The following UPF3A variants were observed in gnomAD, a reference collection of about 807,000 sequenced individuals.
The protein encoded by UPF3A is regulator of nonsense transcripts 3A.
UPF3A carries 42 observed loss-of-function variants against 53.5 expected under a neutral mutation model. The observed-to-expected ratio is 0.78, with a 90% CI of 0.61 to 1.01. The LOEUF is 1.01. Ranked by LOEUF, UPF3A falls within the 50% of genes least tolerant of loss-of-function variation. The pLI is 0.00. For missense variants in UPF3A, 575 were observed against 598.0 expected, an observed-to-expected ratio of 0.96 and a Z score of 0.40; for synonymous variants, 237 against 225.3, an observed-to-expected ratio of 1.05 and a Z score of -0.47.
At position 114,281,763 on chromosome 13, in the gene UPF3A, G is replaced by C. The variant is rs369318678; in HGVS notation, c.124G>C (p.Ala42Pro). The C allele has an allele frequency of 1.9e-6, 3 of 1,557,574 alleles. No homozygotes were observed. The highest frequency in any genetic ancestry group is 2.6e-6 in the Non-Finnish European group (3 of 1,151,516). The change falls in exon 1 of 10, where the codon GCT becomes CCT. Residue 42 changes from alanine to proline, a missense_variant. Coordinates refer to ENST00000375299, the MANE Select transcript of UPF3A (RefSeq NM_023011.4). ...CCACCGCGACTCGCAGCAGCAGGAG[G>C]CTGAGACGCCGCCAACTTCGTCCTC... ...QFHRDSQQQE[A>P]ETPPTSSSGC...
intron 7 of UPF3A, among the ~76,000 whole-genome samples, chr13:114,292,196 A>C (rs987448916): frequency 5.4e-5 from 8 of 148,830 alleles, no homozygotes; most frequent in African/African-American, 1.0e-4. Flanking sequence ...GTACACGTGC[A>C]GGTGTGTTAC....
rs1462786537 is a variant in UPF3A at position 114,282,183 on chromosome 13, T to G, written c.314+56T>G. 2.8e-6 allele frequency: 4 copies of G among 1,436,608 alleles called. No homozygotes were observed. The East Asian group carries it at 7.5e-5, about 27-fold the overall frequency. 89.0% of individuals were successfully genotyped at this position (1,436,608 alleles called of 1,614,324 possible). ...GGCGGAACCCAGAGCTCGGCGGCGG[T>G]GGCCGTCTCGTTGCCTTACGTTCCT... On this transcript the variant is annotated intron_variant, in intron 2 of 9. Transcript: ENST00000375299.
chr13:114,292,334 A>T (rs1404062956), intron 7 of UPF3A, among the ~76,000 whole-genome samples: 6 of 148,618 alleles, frequency 4.0e-5, no homozygotes, highest in African/African-American at 1.5e-4. Flanking sequence ...CAGATGTGTC[A>T]CATGTTCATT....
chr13:114,302,608 G>C (rs2086693236), intron 9 of UPF3A, among the ~76,000 whole-genome samples: 1 of 152,158 alleles, frequency 6.6e-6, no homozygotes, highest in African/African-American at 2.4e-5. Context: ...TAGGGTTCCA[G>C]TTCCCACTCA....
rs867019902 is a variant in UPF3A at position 114,295,077 on chromosome 13, A to C, written c.846+3285A>C. 6.4e-4 allele frequency among the ~76,000 whole-genome samples: 95 copies of C among 148,542 alleles called. 1 individual carries two copies. The Middle Eastern group carries it at 0.021, about 32-fold the overall frequency. ...CAGTGAGCCAAGATTGCGCCACTGCACTCCAGCCTGGGCGACAGAGCAAGA... is the reference window on the plus strand; with the variant it reads ...CAGTGAGCCAAGATTGCGCCACTGCCCTCCAGCCTGGGCGACAGAGCAAGA... On this transcript the variant is annotated intron_variant, in intron 7 of 9. Coordinates refer to ENST00000375299, the MANE Select transcript of UPF3A (RefSeq NM_023011.4).
At chr13:114,293,496 A>C (rs2085522583) in intron 7 of UPF3A, among the ~76,000 whole-genome samples, 1 of 152,186 alleles carries the variant, frequency 6.6e-6, no homozygotes. Context: ...TGGCAGTAGC[A>C]CTAATGAGTT....
chr13:114,282,498 A>G (rs1307771817), intron 2 of UPF3A: 1 of 985,396 alleles, frequency 1.0e-6, no homozygotes, highest in East Asian at 1.1e-4. Flanking sequence ...CTGGTGCCGC[A>G]GCCAGTGCGG....
In UPF3A at chr13:114,281,810, C is replaced by T. The variant is rs538335625; in HGVS notation, c.171C>T (p.Gly57=). 4 of 1,547,222 alleles carry T rather than the reference C, an allele frequency of 2.6e-6. No homozygotes were observed. Among genetic ancestry groups the T allele is most frequent in the East Asian group, 2.4e-5 (1 of 41,168 alleles). Residue 57 remains glycine (G), a synonymous_variant, in exon 1 of 10, where the codon GGC becomes GGT. Coordinates refer to ENST00000375299, the MANE Select transcript of UPF3A (RefSeq NM_023011.4). ...CCTCCGGTTGCGGGGGCGGTGCGGGCAAACCTCGCGAGGAGAAGAGGACGG... is the reference window on the plus strand; with the variant it reads ...CCTCCGGTTGCGGGGGCGGTGCGGGTAAACCTCGCGAGGAGAAGAGGACGG... ...TSSSGCGGGA[G]KPREEKRTAL...
intron 3 of UPF3A, chr13:114,285,252 A>T (rs555381819): frequency 6.6e-6 from 1 of 152,172 alleles, no homozygotes; most frequent in Non-Finnish European, 1.5e-5. Context: ...CAAGTATTAC[A>T]AAGGTTTATT....
chr13:114,286,650 CTCTTT>C (rs753493487), intron 5 of UPF3A, 21 bp downstream of exon 5: 198 of 1,573,276 alleles, frequency 1.3e-4, no homozygotes, highest in Admixed American at 6.7e-4. Flanking sequence ...CTCATTTCTT[CTCTTT>C]TCTTTATTGA....
At chr13:114,286,743 G>A (rs1594764966) in intron 5 of UPF3A, 114 bp downstream of exon 5, 1 of 805,262 alleles carries the variant, frequency 1.2e-6, no homozygotes, top group Non-Finnish European at 1.9e-6. Context: ...TTACAGGCTT[G>A]ACAGAAATGT....
intron 8 of UPF3A, 128 bp downstream of exon 8, chr13:114,299,128 G>C: frequency 1.1e-6 from 1 of 941,390 alleles, no homozygotes; most frequent in Non-Finnish European, 1.5e-6. Context: ...GCGAGTACAC[G>C]TTAGCCTTCA....
intron 2 of UPF3A, 133 bp from the exon 3 acceptor site, chr13:114,282,704 C>G (rs1055789584): frequency 6.7e-7 from 1 of 1,486,700 alleles, no homozygotes; most frequent in African/African-American, 1.4e-5. Context: ...CAAGTTGTTA[C>G]AATTAACTGA....
Position 114,298,968 on chromosome 13 carries a change from C to T in UPF3A, c.975C>T (p.Pro325=). The change falls in exon 8 of 10, where the codon CCC becomes CCT. Residue 325 remains proline (P), a synonymous_variant. Transcript: ENST00000375299. ...CAPGAVVKAR[P]MEGSLEEPQE... Reference sequence around the variant, plus strand: ...CCGGTGCAGTCGTAAAAGCCAGGCCCATGGAAGGCTCGCTGGAGGAGCCCC... The same window carrying T: ...CCGGTGCAGTCGTAAAAGCCAGGCCTATGGAAGGCTCGCTGGAGGAGCCCC... The T allele has an allele frequency of 6.2e-7, 1 of 1,607,070 alleles. No individual in the cohort carries two copies. The highest frequency in any genetic ancestry group is 1.3e-5 in the African/African-American group (1 of 74,374).
chr13:114,300,601 G>A (rs2086512544), intron 8 of UPF3A, among the ~76,000 whole-genome samples: 1 of 151,300 alleles, frequency 6.6e-6, no homozygotes, highest in African/African-American at 2.4e-5. Flanking sequence ...GTGCAATGGT[G>A]CGATCTCAGC....
intron 3 of UPF3A, 174 bp from the exon 4 acceptor site, chr13:114,286,128 G>T: frequency 1.2e-6 from 1 of 832,576 alleles, no homozygotes; most frequent in Non-Finnish European, 1.8e-6. Flanking sequence ...TAATAAAATT[G>T]TAGGTTTTTT....
chr13:114,288,267 C>T (rs2084922824), intron 5 of UPF3A, among the ~76,000 whole-genome samples: 1 of 152,208 alleles, frequency 6.6e-6, no homozygotes, highest in African/African-American at 2.4e-5. Flanking sequence ...AGGAATAGTC[C>T]AACCAGGGCA....
In UPF3A at chr13:114,305,067, C is replaced by T. The variant is rs749216660; in HGVS notation, c.*150C>T. ...GGGTGACGTAGAAACACGCAGAAACCATTCTAAAGAAAGTAGTGATCTTGT... is the reference window on the plus strand; with the variant it reads ...GGGTGACGTAGAAACACGCAGAAACTATTCTAAAGAAAGTAGTGATCTTGT... On this transcript the variant is annotated 3_prime_UTR_variant, in exon 10 of 10. Transcript: ENST00000375299. 1.0e-6 allele frequency: 1 copy of T among 997,918 alleles called. No homozygotes were observed. Among genetic ancestry groups the T allele is most frequent in the South Asian group, 1.5e-5 (1 of 68,074 alleles). 61.8% of individuals were successfully genotyped at this position (997,918 alleles called of 1,614,324 possible).
At chr13:114,304,738 C>G in intron 9 of UPF3A, 51 bp from the exon 10 acceptor site, 1 of 1,599,416 alleles carries the variant, frequency 6.3e-7, no homozygotes, top group Non-Finnish European at 8.5e-7. Context: ...GATATTGACC[C>G]TTCTGTGTTG....
Sources: allele counts gnomAD v4.1 joint callset (sites outside exome capture counted in the v4.1 genomes callset), GRCh38; gene constraint gnomAD v4.1.1; transcripts MANE v1.5; gene names NCBI Gene and HGNC (gene_info 2026-07-23, HGNC 2026-07-21).